ANKS1B: variants seen among roughly 807,000 people sequenced by gnomAD.
ANKS1B encodes the protein ankyrin repeat and sterile alpha motif domain containing 1B.
A neutral mutation model predicts 148.3 loss-of-function variants in ANKS1B; 36 were observed. That is an observed-to-expected ratio of 0.24 (90% confidence interval 0.19 to 0.32). The LOEUF is 0.32. Among genes scored for constraint, ANKS1B ranks in the 10% least tolerant of loss-of-function variants. The probability of loss-of-function intolerance (pLI) is 1.00; values close to 1 mark genes in which losing one functional copy is unlikely to be tolerated. For synonymous variants in ANKS1B, 542 were observed against 560.8 expected (o/e 0.97, Z 0.47); for missense variants, 1,157 against 1,542.6 (o/e 0.75, Z 4.19).
intron 14 of ANKS1B, among the ~76,000 whole-genome samples, chr12:99,206,328 C>T (rs2082664848): frequency 6.6e-6 from 1 of 152,056 alleles, no homozygotes; most frequent in African/African-American, 2.4e-5. Context: ...ACAAAAATGG[C>T]CAAATCTTAC....
chr12:99,247,335 A>T (rs886777157), intron 12 of ANKS1B, among the ~76,000 whole-genome samples: 1 of 152,192 alleles, frequency 6.6e-6, no homozygotes, highest in African/African-American at 2.4e-5. Context: ...CAAAAACCAA[A>T]TTTTGAAAAA....
intron 9 of ANKS1B, among the ~76,000 whole-genome samples, chr12:99,572,179 C>T (rs2097463218): frequency 2.0e-5 from 3 of 151,696 alleles, no homozygotes; most frequent in South Asian, 2.1e-4. Flanking sequence ...CTATTATATT[C>T]CAAGATTAAG....
chr12:99,565,983 C>T (rs1036681790), intron 9 of ANKS1B, among the ~76,000 whole-genome samples: 1 of 152,112 alleles, frequency 6.6e-6, no homozygotes, highest in African/African-American at 2.4e-5. Context: ...TGAGGCACAC[C>T]CTTAATCTCT....
At chr12:99,286,606 G>T (rs556574436) in intron 12 of ANKS1B, among the ~76,000 whole-genome samples, 2 of 152,202 alleles carry the variant, frequency 1.3e-5, no homozygotes, top group South Asian at 4.1e-4. Flanking sequence ...AGTTTCCAAG[G>T]GTCCCCAGTT....
At chr12:98,754,129 TACTG>T (rs1290525651) in intron 25 of ANKS1B, among the ~76,000 whole-genome samples, 16 of 152,268 alleles carry the variant, frequency 1.1e-4, no homozygotes, top group African/African-American at 3.4e-4. Context: ...TGCTAGGAAA[TACTG>T]ACCCTACAAG....
intron 8 of ANKS1B, among the ~76,000 whole-genome samples, chr12:99,765,401 T>C (rs1386276630): frequency 6.6e-6 from 1 of 152,172 alleles, no homozygotes; most frequent in Non-Finnish European, 1.5e-5. Flanking sequence ...GCAGTTGTAG[T>C]CATCTATATA....
chr12:99,238,153 A>G (rs1844967), intron 14 of ANKS1B, among the ~76,000 whole-genome samples: 71,767 of 152,164 alleles, frequency 0.47, 19,166 homozygotes, highest in African/African-American at 0.75. Flanking sequence ...GCCAAGGGAA[A>G]CTGTGACAGA....
At chr12:99,903,683 C>T (rs1034670629) in intron 1 of ANKS1B, among the ~76,000 whole-genome samples, 3 of 151,392 alleles carry the variant, frequency 2.0e-5, no homozygotes, top group Non-Finnish European at 4.4e-5. Flanking sequence ...AATATGCACT[C>T]AATATACAAA....
intron 9 of ANKS1B, among the ~76,000 whole-genome samples, chr12:99,637,244 G>A (rs919064879): frequency 1.3e-5 from 2 of 152,170 alleles, no homozygotes; most frequent in African/African-American, 2.4e-5. Context: ...CCTGGGAGGC[G>A]GAGTTTGCCA....
chr12:99,648,357 C>G, intron 9 of ANKS1B: 2 of 1,614,190 alleles, frequency 1.2e-6, no homozygotes, highest in South Asian at 2.2e-5. Context: ...AAGTGATTGA[C>G]GTGCACAACC....
chr12:99,453,855 G>T (rs566717651), intron 10 of ANKS1B, among the ~76,000 whole-genome samples: 1 of 152,134 alleles, frequency 6.6e-6, no homozygotes, highest in Non-Finnish European at 1.5e-5. Context: ...TTACAAAATT[G>T]TGTTACTTAT....
intron 12 of ANKS1B, among the ~76,000 whole-genome samples, chr12:99,309,443 C>T (rs568246610): frequency 1.3e-4 from 20 of 151,720 alleles, no homozygotes; most frequent in Middle Eastern, 3.4e-3. Context: ...TTTTTATTGC[C>T]CTATAAAATC....
At chr12:99,651,920 C>CTA (rs1212793732) in intron 9 of ANKS1B, among the ~76,000 whole-genome samples, 1 of 151,204 alleles carries the variant, frequency 6.6e-6, no homozygotes, top group African/African-American at 2.4e-5. Context: ...TGTGTATATA[C>CTA]TATATATATG....
At chr12:99,154,799 T>C in intron 14 of ANKS1B, 1 of 1,455,632 alleles carries the variant, frequency 6.9e-7, no homozygotes, top group East Asian at 2.5e-5. Flanking sequence ...TTTTATCAAG[T>C]ACTCCTACAC....
At chr12:99,481,632 G>T (rs1456393547) in intron 10 of ANKS1B, among the ~76,000 whole-genome samples, 3 of 151,898 alleles carry the variant, frequency 2.0e-5, no homozygotes, top group Admixed American at 2.0e-4. Context: ...TTCCACAAAG[G>T]TTGTACTAAT....
At chr12:99,512,816 C>T (rs1188864496) in intron 9 of ANKS1B, among the ~76,000 whole-genome samples, 1 of 151,968 alleles carries the variant, frequency 6.6e-6, no homozygotes, top group East Asian at 1.9e-4. Flanking sequence ...CAACCAAATA[C>T]CACATGTTCT....
intron 17 of ANKS1B, among the ~76,000 whole-genome samples, chr12:98,907,803 A>T (rs1445789198): frequency 6.6e-6 from 1 of 152,096 alleles, no homozygotes; most frequent in Non-Finnish European, 1.5e-5. Flanking sequence ...TACTGTTCTT[A>T]TGCTAGTGAA....
chr12:98,751,303 C>T lies in ANKS1B; in HGVS notation c.3747+52G>A. 1 of 1,580,996 alleles carries T rather than the reference C, an allele frequency of 6.3e-7. No homozygotes were observed. The highest frequency in any genetic ancestry group is 8.6e-7 in the Non-Finnish European group (1 of 1,161,164). On this transcript the variant is annotated intron_variant, in intron 26 of 26. Transcript: ENST00000683438. This position sits in a 1 kb window ranked among gnomAD's most constrained non-coding sequence, Gnocchi z 4.3. Reference sequence around the variant, plus strand: ...CCACACAAGGGCCTGGTTAGCAGCCCCTTTTCCTCCTGTTCAAGGTTTTTT... The same window carrying T: ...CCACACAAGGGCCTGGTTAGCAGCCTCTTTTCCTCCTGTTCAAGGTTTTTT...
chr12:99,094,246 A>G (rs11109725), intron 15 of ANKS1B, among the ~76,000 whole-genome samples: 87,938 of 152,136 alleles, frequency 0.58, 26,028 homozygotes, highest in East Asian at 0.75. Flanking sequence ...ATAAAAAAAT[A>G]GATAAATAAT....
Sources: gnomAD v4.1 joint callset for allele counts (sites outside exome capture counted in the v4.1 genomes callset) on GRCh38, gnomAD v4.1.1 for gene constraint, Gnocchi (gnomAD v3.1) non-coding constraint, MANE v1.5 for transcripts, NCBI Gene and HGNC (gene_info 2026-07-23, HGNC 2026-07-21) for gene names.